Variants in LRP1B observed in about 807,000 individuals in gnomAD.
LRP1B encodes LDL receptor related protein 1B, also known as low-density lipoprotein receptor-related protein 1B.
LRP1B carries 217 observed loss-of-function variants against 556.6 expected under a neutral mutation model. That is an observed-to-expected ratio of 0.39 (90% CI 0.35 to 0.44). The LOEUF (loss-of-function observed/expected upper bound fraction) is 0.44. Among genes scored for constraint, LRP1B ranks in the 20% least tolerant of loss-of-function variants. The probability of loss-of-function intolerance (pLI) is 1.00; values close to 1 mark genes in which losing one functional copy is unlikely to be tolerated. For synonymous variants in LRP1B, 2,047 were observed against 1,865.8 expected, an observed-to-expected ratio of 1.10 and a Z score of -2.50; for missense variants, 5,053 against 5,620.8, an observed-to-expected ratio of 0.90 and a Z score of 3.23.
At chr2:140,836,352 T>C (rs1485359246) in intron 31 of LRP1B, among the ~76,000 whole-genome samples, 1 of 152,234 alleles carries the variant, frequency 6.6e-6, no homozygotes, top group Non-Finnish European at 1.5e-5. Context: ...CAGTGATTCA[T>C]ACTCAGATTT....
At chr2:141,617,394 C>A (rs1377691011) in intron 2 of LRP1B, among the ~76,000 whole-genome samples, 2 of 152,214 alleles carry the variant, frequency 1.3e-5, no homozygotes, top group East Asian at 3.9e-4. Flanking sequence ...TCTACGGGTA[C>A]AATTTCAGGG....
intron 1 of LRP1B, among the ~76,000 whole-genome samples, chr2:141,951,452 C>T (rs763457341): frequency 4.6e-5 from 7 of 152,164 alleles, no homozygotes; most frequent in Non-Finnish European, 8.8e-5. Context: ...GTTTTCCATT[C>T]CTATAATCAC....
chr2:141,093,290 C>T (rs1700217061), intron 7 of LRP1B, among the ~76,000 whole-genome samples: 1 of 151,960 alleles, frequency 6.6e-6, no homozygotes, highest in South Asian at 2.1e-4. Flanking sequence ...GAGGTGGTTG[C>T]ACATGGAAGT....
chr2:140,258,338 T>TA (rs1346674426), intron 86 of LRP1B, among the ~76,000 whole-genome samples: 1 of 151,976 alleles, frequency 6.6e-6, no homozygotes, highest in African/African-American at 2.4e-5. Context: ...TAAAAATGTT[T>TA]ATAAGATCTA....
At chr2:140,803,432 A>G (rs1183308586) in intron 32 of LRP1B, among the ~76,000 whole-genome samples, 1 of 151,168 alleles carries the variant, frequency 6.6e-6, no homozygotes, top group Non-Finnish European at 1.5e-5. Flanking sequence ...ACATGCCACC[A>G]TGCCCGGCTA....
intron 82 of LRP1B, among the ~76,000 whole-genome samples, chr2:140,318,957 TTTA>T (rs1340176619): frequency 1.3e-5 from 2 of 152,152 alleles, no homozygotes; most frequent in Non-Finnish European, 2.9e-5. Context: ...ATTAGTAGTA[TTTA>T]TTGTTAATTT....
intron 66 of LRP1B, among the ~76,000 whole-genome samples, chr2:140,387,473 T>C (rs1683808844): frequency 6.6e-6 from 1 of 152,174 alleles, no homozygotes; most frequent in African/African-American, 2.4e-5. Flanking sequence ...AAATAATTTC[T>C]CCAATCTTAC....
At chr2:141,181,627 A>G (rs989361944) in intron 7 of LRP1B, among the ~76,000 whole-genome samples, 5 of 151,922 alleles carry the variant, frequency 3.3e-5, no homozygotes, top group Non-Finnish European at 7.4e-5. Flanking sequence ...TTTATGAATA[A>G]TATGAGTCAA....
intron 8 of LRP1B, among the ~76,000 whole-genome samples, chr2:141,060,625 A>T (rs1300526341): frequency 6.6e-6 from 1 of 151,786 alleles, no homozygotes; most frequent in Non-Finnish European, 1.5e-5. Context: ...CTGCCAATTC[A>T]TAACCCAGGA....
At position 141,392,856 on chromosome 2, in the gene LRP1B, C is replaced by T. The variant is rs912667043; in HGVS notation, c.343+87540G>A. On this transcript the variant is annotated intron_variant, in intron 3 of 90. Coordinates refer to ENST00000389484, the MANE Select transcript of LRP1B (RefSeq NM_018557.3). ...CACTTAGGAATTGGGCTGTGGAACA[C>T]AGTGCCAGCTCCAGAGAAATCCCAA... 6.6e-5 allele frequency among the ~76,000 whole-genome samples: 10 copies of T among 152,166 alleles called. No homozygotes were observed. The South Asian group carries it at 2.1e-3, about 32-fold the overall frequency.
At chr2:141,920,440 A>G (rs1372295669) in intron 1 of LRP1B, among the ~76,000 whole-genome samples, 2 of 152,024 alleles carry the variant, frequency 1.3e-5, no homozygotes, top group Non-Finnish European at 2.9e-5. Flanking sequence ...CAATTAGAAC[A>G]GAAAGAAGAG....
chr2:140,282,667 G>A (rs2171322), intron 84 of LRP1B, among the ~76,000 whole-genome samples: 49,429 of 151,520 alleles, frequency 0.33, 8,555 homozygotes, highest in African/African-American at 0.43. Flanking sequence ...AAGTCTGCAC[G>A]ATAATGACAC....
At chr2:140,890,260 A>G (rs1385041049) in intron 23 of LRP1B, among the ~76,000 whole-genome samples, 1 of 152,172 alleles carries the variant, frequency 6.6e-6, no homozygotes, top group Admixed American at 6.5e-5. Flanking sequence ...GGAGAAATGC[A>G]TACACAGAGG....
chr2:140,628,537 GA>G (rs71408464), intron 41 of LRP1B, among the ~76,000 whole-genome samples: 70 of 138,378 alleles, frequency 5.1e-4, no homozygotes, highest in African/African-American at 7.8e-4. Flanking sequence ...ACTCTGTCTC[GA>G]AAAAAAAAAA....
intron 1 of LRP1B, among the ~76,000 whole-genome samples, chr2:141,950,304 T>C (rs1701071797): frequency 6.6e-6 from 1 of 152,182 alleles, no homozygotes; most frequent in South Asian, 2.1e-4. Flanking sequence ...GCTGACTTTT[T>C]TGTAGAAATA....
intron 1 of LRP1B, among the ~76,000 whole-genome samples, chr2:142,039,774 T>A (rs1229186985): frequency 6.6e-6 from 1 of 151,578 alleles, no homozygotes; most frequent in African/African-American, 2.4e-5. Context: ...TATTCACTAT[T>A]TCTCATTGCT....
chr2:142,114,495 C>G (rs1212422774), intron 1 of LRP1B, among the ~76,000 whole-genome samples: 1 of 152,074 alleles, frequency 6.6e-6, no homozygotes, highest in East Asian at 1.9e-4. Context: ...CTATTCATAA[C>G]AGCCAAGATA....
chr2:140,613,907 G>A (rs544265697), intron 41 of LRP1B, among the ~76,000 whole-genome samples: 2 of 152,054 alleles, frequency 1.3e-5, no homozygotes, highest in South Asian at 4.1e-4. Flanking sequence ...CTTGAGATGT[G>A]TATGTATCTC....
chr2:141,124,555 C>T (rs11888823), intron 7 of LRP1B, among the ~76,000 whole-genome samples: 6,278 of 151,294 alleles, frequency 0.041, 387 homozygotes, highest in African/African-American at 0.14. Flanking sequence ...TCTCACTTAC[C>T]TAATTTTACC....
Sources: gnomAD v4.1 joint callset for allele counts (sites outside exome capture counted in the v4.1 genomes callset) on GRCh38, gnomAD v4.1.1 for gene constraint, MANE v1.5 for transcripts, NCBI Gene and HGNC (gene_info 2026-07-23, HGNC 2026-07-21) for gene names.